The following PPP2R5E variants were observed in gnomAD, a reference collection of about 807,000 sequenced individuals.
The protein encoded by PPP2R5E is serine/threonine-protein phosphatase 2A 56 kDa regulatory subunit epsilon isoform.
PPP2R5E carries 4 observed loss-of-function variants against 65.3 expected under a neutral mutation model. That is an observed-to-expected ratio of 0.06 (90% CI 0.03 to 0.14). The LOEUF (loss-of-function observed/expected upper bound fraction) is 0.14. Among genes scored for constraint, PPP2R5E ranks in the 10% least tolerant of loss-of-function variants. PPP2R5E has a pLI of 1.00. For synonymous variants in PPP2R5E, 183 were observed against 187.4 expected (o/e 0.98, Z 0.19); for missense variants, 274 against 556.1 (o/e 0.49, Z 5.10).
At position 63,470,192 on chromosome 14, in the gene PPP2R5E, C is replaced by T. The variant is rs538088923; in HGVS notation, c.158-16307G>A. Among the ~76,000 whole-genome samples the T allele has an allele frequency of 1.4e-4, 22 of 152,212 alleles. No individual in the cohort carries two copies. The South Asian group carries it at 2.7e-3, about 19-fold the overall frequency. ...GCTGAAGCAATCCTCCCATTTCAGC[C>T]TCCCAAGTGGCTGGGATTACAGGCA... is the stretch of plus-strand genomic sequence containing the variant. On this transcript the variant is annotated intron_variant, in intron 2 of 13. Coordinates refer to ENST00000337537, the MANE Select transcript of PPP2R5E (RefSeq NM_006246.5).
intron 5 of PPP2R5E, among the ~76,000 whole-genome samples, chr14:63,405,119 T>C (rs1410310483): frequency 6.6e-6 from 1 of 152,222 alleles, no homozygotes; most frequent in Non-Finnish European, 1.5e-5. Flanking sequence ...AAGCCCTTTT[T>C]ACAAGATTTT....
At chr14:63,534,080 G>A (rs1197033204) in intron 2 of PPP2R5E, among the ~76,000 whole-genome samples, 1 of 152,184 alleles carries the variant, frequency 6.6e-6, no homozygotes, top group Non-Finnish European at 1.5e-5. Flanking sequence ...GCAAGGAAAT[G>A]AGGCACAGGA....
At chr14:63,519,507 A>ATTT (rs557285871) in intron 2 of PPP2R5E, among the ~76,000 whole-genome samples, 19,556 of 123,924 alleles carry the variant, frequency 0.16, 2,087 homozygotes, top group African/African-American at 0.29. Flanking sequence ...TGCCCAGCTA[A>ATTT]TTTTTTTTTT....
intron 12 of PPP2R5E, among the ~76,000 whole-genome samples, chr14:63,383,662 TA>T (rs2139751867): frequency 6.6e-6 from 1 of 152,356 alleles, no homozygotes; most frequent in South Asian, 2.1e-4. Flanking sequence ...ATATTATGAA[TA>T]TACTGAATTG....
At chr14:63,379,053 G>C (rs1884159130) in intron 13 of PPP2R5E, among the ~76,000 whole-genome samples, 1 of 150,480 alleles carries the variant, frequency 6.6e-6, no homozygotes, top group Non-Finnish European at 1.5e-5. Context: ...TTTCGAGACG[G>C]AGTCTCGCTC....
intron 6 of PPP2R5E, among the ~76,000 whole-genome samples, chr14:63,395,725 G>A: frequency 1.4e-4 from 1 of 7,026 alleles, no homozygotes; most frequent in Non-Finnish European, 3.2e-4. Context: ...GAGGGTGGAA[G>A]GGAGGAGGAG....
chr14:63,489,264 T>G (rs886619759), intron 2 of PPP2R5E, among the ~76,000 whole-genome samples: 1 of 152,034 alleles, frequency 6.6e-6, no homozygotes, highest in Non-Finnish European at 1.5e-5. Context: ...CATAGAAAAC[T>G]GCTAATTCAC....
chr14:63,488,111 C>T (rs1403972322), intron 2 of PPP2R5E, among the ~76,000 whole-genome samples: 1 of 152,176 alleles, frequency 6.6e-6, no homozygotes, highest in African/African-American at 2.4e-5. Context: ...CACCCACACA[C>T]CTACTTAGGA....
At chr14:63,447,947 AT>A (rs1457736100) in intron 3 of PPP2R5E, among the ~76,000 whole-genome samples, 6 of 152,140 alleles carry the variant, frequency 3.9e-5, no homozygotes, top group South Asian at 2.1e-4. Context: ...CACATACAAC[AT>A]TTATCGATTA....
intron 4 of PPP2R5E, among the ~76,000 whole-genome samples, chr14:63,420,314 G>C (rs1886934009): frequency 6.6e-6 from 1 of 152,104 alleles, no homozygotes; most frequent in Admixed American, 6.5e-5. Flanking sequence ...CAAACATTAA[G>C]AGTAAGACAT....
At chr14:63,418,184 C>T (rs998137295) in intron 4 of PPP2R5E, among the ~76,000 whole-genome samples, 1 of 152,140 alleles carries the variant, frequency 6.6e-6, no homozygotes, top group African/African-American at 2.4e-5. Flanking sequence ...TTCTAATACA[C>T]TCATCTGTCA....
intron 2 of PPP2R5E, among the ~76,000 whole-genome samples, chr14:63,471,236 A>G (rs1890115551): frequency 6.6e-6 from 1 of 152,234 alleles, no homozygotes; most frequent in African/African-American, 2.4e-5. Context: ...GATGGGCCAG[A>G]AGAACCTCAT....
chr14:63,394,924 G>A (rs922022317), intron 7 of PPP2R5E, among the ~76,000 whole-genome samples: 1 of 152,192 alleles, frequency 6.6e-6, no homozygotes, highest in South Asian at 2.1e-4. Flanking sequence ...AAAAACTAAT[G>A]AGAATAAGAT....
chr14:63,436,308 G>A (rs1231572700), intron 3 of PPP2R5E, among the ~76,000 whole-genome samples: 2 of 152,268 alleles, frequency 1.3e-5, no homozygotes, highest in East Asian at 1.9e-4. Context: ...CTTGAATTGC[G>A]AATTTTTAAA....
intron 2 of PPP2R5E, among the ~76,000 whole-genome samples, chr14:63,460,669 A>G (rs1889404195): frequency 6.6e-6 from 1 of 152,216 alleles, no homozygotes; most frequent in African/African-American, 2.4e-5. Context: ...AAATGAGACA[A>G]CGAACATGTA....
rs183979657 is a variant in PPP2R5E at position 63,462,171 on chromosome 14, C to T, written c.158-8286G>A. Among the ~76,000 whole-genome samples, 376 of 151,872 alleles carry T rather than the reference C, an allele frequency of 2.5e-3. 2 individuals are homozygous for T. The highest frequency in any genetic ancestry group is 7.9e-3 in the African/African-American group (326 of 41,388). ...CTGCAAGCTCCGCCTCCTGGGTTCA[C>T]GCCATTCTCCTGCTTCAGCTTCCCG... On this transcript the variant is annotated intron_variant, in intron 2 of 13. Transcript: ENST00000337537.
At chr14:63,504,809 T>C (rs1331661381) in intron 2 of PPP2R5E, among the ~76,000 whole-genome samples, 3 of 151,156 alleles carry the variant, frequency 2.0e-5, no homozygotes, top group Non-Finnish European at 2.9e-5. Context: ...GTAAACACTG[T>C]TAAAAAAAAA....
At chr14:63,487,533 T>C (rs138936556) in intron 2 of PPP2R5E, among the ~76,000 whole-genome samples, 89 of 152,308 alleles carry the variant, frequency 5.8e-4, no homozygotes, top group Non-Finnish European at 1.1e-3. Flanking sequence ...GCCAACGATG[T>C]AGGCATTTCG....
At chr14:63,520,530 T>C (rs1408027177) in intron 2 of PPP2R5E, among the ~76,000 whole-genome samples, 1 of 152,202 alleles carries the variant, frequency 6.6e-6, no homozygotes, top group Non-Finnish European at 1.5e-5. Flanking sequence ...CTCATCACTG[T>C]ATTCCCAGAA....
Sources: gnomAD v4.1 joint callset for allele counts (sites outside exome capture counted in the v4.1 genomes callset) on GRCh38, gnomAD v4.1.1 for gene constraint, MANE v1.5 for transcripts, NCBI Gene and HGNC (gene_info 2026-07-23, HGNC 2026-07-21) for gene names.